RIF1: variants seen among roughly 807,000 people sequenced by gnomAD.
RIF1 encodes telomere-associated protein RIF1.
A neutral mutation model predicts 247.1 loss-of-function variants in RIF1; 45 were observed. That is an observed-to-expected ratio of 0.18 (90% CI 0.14 to 0.23). The LOEUF is 0.23. Among genes scored for constraint, RIF1 ranks in the 10% least tolerant of loss-of-function variants. The pLI is 1.00. For synonymous variants in RIF1, 1,087 were observed against 978.8 expected (o/e 1.11, Z -2.06); for missense variants, 2,967 against 2,862.5 (o/e 1.04, Z -0.83).
chr2:151,496,880 T>TGAAA, intron 10 of RIF1: 1 of 1,461,702 alleles, frequency 6.8e-7, no homozygotes, highest in Middle Eastern at 1.7e-4. Context: ...ATGTATTATT[T>TGAAA]TAAATCATGA....
intron 30 of RIF1, 128 bp from the exon 31 acceptor site, chr2:151,467,872 C>T (rs1574151287): frequency 1.3e-6 from 1 of 774,344 alleles, no homozygotes; most frequent in Admixed American, 2.8e-5. Context: ...AACTGTGCAG[C>T]TGACTTCTGG....
chr2:151,472,223 A>C (rs1405555701), intron 34 of RIF1, among the ~76,000 whole-genome samples: 1 of 152,170 alleles, frequency 6.6e-6, no homozygotes, highest in Non-Finnish European at 1.5e-5. Context: ...TTGATTTTGT[A>C]TCCTGAGACT....
chr2:151,515,687 A>AT, the RIF1 span, among the ~76,000 whole-genome samples: 22 of 152,176 alleles, frequency 1.4e-4, no homozygotes, highest in Non-Finnish European at 2.4e-4. Flanking sequence ...TAATTTTGTT[A>AT]TTTTAATAGA....
At chr2:151,512,091 C>T (rs1261111051), downstream of RIF1, among the ~76,000 whole-genome samples, 3 of 136,292 alleles carry the variant, frequency 2.2e-5, no homozygotes, top group Non-Finnish European at 3.0e-5. Context: ...AGTGCAGTGG[C>T]GTGATCTCGG....
chr2:151,487,760 T>TAC (rs1157864202), intron 9 of RIF1, among the ~76,000 whole-genome samples: 10 of 151,634 alleles, frequency 6.6e-5, no homozygotes, highest in Non-Finnish European at 4.4e-5. Flanking sequence ...ATTTTATACA[T>TAC]ACACACATAT....
chr2:151,493,257 T>C (rs1003113000), intron 9 of RIF1: 2 of 937,828 alleles, frequency 2.1e-6, no homozygotes, highest in African/African-American at 1.7e-5. Flanking sequence ...AAAATTTTAG[T>C]GTGTTTTTCA....
intron 11 of RIF1, among the ~76,000 whole-genome samples, chr2:151,436,041 C>T (rs1178170824): frequency 1.3e-5 from 2 of 151,884 alleles, no homozygotes; most frequent in South Asian, 2.1e-4. Flanking sequence ...CTGGCCAACA[C>T]GGTGAAACCC....
rs2152438277 is a variant in RIF1, at chr2:151,451,725, C to T, written c.2344+20C>T. The T allele has an allele frequency of 8.0e-7, 1 of 1,243,504 alleles. No individual in the cohort carries two copies. Among genetic ancestry groups the T allele is most frequent in the Admixed American group, 1.7e-5 (1 of 58,796 alleles). The allele number at this position is 1,243,504 out of a possible 1,614,324, so 77.0% of individuals were successfully genotyped here. ...TTAAATGTAAGTATGTATTTTTTAACCTTTGTTTGTCCAGTATTTCATAAG... is the reference window on the plus strand; with the variant it reads ...TTAAATGTAAGTATGTATTTTTTAATCTTTGTTTGTCCAGTATTTCATAAG... On this transcript the variant is annotated intron_variant, in intron 21 of 35. Coordinates refer to ENST00000444746, the MANE Select transcript of RIF1 (RefSeq NM_018151.5).
the RIF1 span, chr2:151,526,032 G>T: frequency 1.2e-6 from 2 of 1,613,898 alleles, no homozygotes; most frequent in Non-Finnish European, 1.7e-6. Flanking sequence ...TATGAGCCCT[G>T]TGCCAAGTGC....
the RIF1 span, chr2:151,525,129 T>C: frequency 2.0e-4 from 299 of 1,458,588 alleles, no homozygotes; most frequent in Non-Finnish European, 2.5e-4. Flanking sequence ...CTGCTTCAAA[T>C]GGGCCCCCAA....
At chr2:151,487,452 A>G (rs1326096524) in intron 9 of RIF1, among the ~76,000 whole-genome samples, 1 of 152,180 alleles carries the variant, frequency 6.6e-6, no homozygotes, top group African/African-American at 2.4e-5. Flanking sequence ...TCCCCTTTGC[A>G]TAAGTGGAAC....
intron 30 of RIF1, 52 bp from the exon 31 acceptor site, chr2:151,467,948 A>G: frequency 6.5e-7 from 1 of 1,537,388 alleles, no homozygotes; most frequent in Non-Finnish European, 8.8e-7. Context: ...TTATGGTGTA[A>G]TTTTTTAAAA....
chr2:151,440,153 C>G (rs1692025273), intron 15 of RIF1, 26 bp downstream of exon 15: 2 of 1,184,744 alleles, frequency 1.7e-6, no homozygotes, highest in Non-Finnish European at 1.2e-6. Context: ...GTATGTTGGA[C>G]TTTAAAAACC....
Position 151,411,320 on chromosome 2 carries a change from G to A in RIF1, c.165G>A (p.Arg55=). The change falls in exon 3 of 36, where the codon CGG becomes CGA. Residue 55 remains arginine, a synonymous_variant. Transcript: ENST00000444746. ...CAGAAATTGAGAAAAAACTTCCTCG[G>A]CTGTACAAAGTTTTAAAGGTATGTA... ...VITEIEKKLP[R]LYKVLKTHIS... 1 of 1,595,006 alleles carries A rather than the reference G, an allele frequency of 6.3e-7. No homozygotes were observed. The highest frequency in any genetic ancestry group is 8.6e-7 in the Non-Finnish European group (1 of 1,166,140).
At chr2:151,411,365 T>C in intron 3 of RIF1, 27 bp downstream of exon 3, 2 of 1,441,066 alleles carry the variant, frequency 1.4e-6, no homozygotes, top group Non-Finnish European at 1.9e-6. Flanking sequence ...TAAACAGTTT[T>C]TCACTTTTGG....
chr2:151,414,737 A>G (rs983409044), intron 3 of RIF1, 86 bp from the exon 4 acceptor site: 2 of 826,326 alleles, frequency 2.4e-6, no homozygotes, highest in African/African-American at 1.7e-5. Context: ...CATGATGAAT[A>G]TGCTTGTTCT....
intron 29 of RIF1, 133 bp downstream of exon 29, chr2:151,462,599 C>A: frequency 1.6e-6 from 1 of 618,374 alleles, no homozygotes; most frequent in Non-Finnish European, 2.8e-6. Context: ...TGTATGATTT[C>A]CTTTTAACTC....
At chr2:151,432,729 T>C (rs1470356011) in intron 9 of RIF1, among the ~76,000 whole-genome samples, 3 of 152,242 alleles carry the variant, frequency 2.0e-5, no homozygotes, top group Admixed American at 6.5e-5. Context: ...TGTTGAAGTT[T>C]AGTAGCGTCC....
chr2:151,520,961 A>C, the RIF1 span, among the ~76,000 whole-genome samples: 1 of 152,246 alleles, frequency 6.6e-6, no homozygotes, highest in Non-Finnish European at 1.5e-5. Context: ...GCTTTTGTCA[A>C]CAGTATTGCA....
Sources: allele counts gnomAD v4.1 joint callset (sites outside exome capture counted in the v4.1 genomes callset), GRCh38; gene constraint gnomAD v4.1.1; transcripts MANE v1.5; gene names NCBI Gene and HGNC (gene_info 2026-07-23, HGNC 2026-07-21).